The following SOCS5 variants were observed in gnomAD, a reference collection of about 807,000 sequenced individuals.
The protein encoded by SOCS5 is suppressor of cytokine signaling 5.
Under a neutral mutation model 42.8 loss-of-function variants are expected in SOCS5, and 32 were observed. The ratio of observed to expected loss-of-function variants is 0.75; its 90% CI spans 0.56 to 1.01. The LOEUF is 1.01. Among genes scored for constraint, SOCS5 ranks in the 50% least tolerant of loss-of-function variants. SOCS5 has a pLI of 0.00. For missense variants in SOCS5, 627 were observed against 653.0 expected (o/e 0.96, Z 0.43); for synonymous variants, 283 against 229.6 (o/e 1.23, Z -2.10).
chr2:46,700,273 GC>G (rs1413254572), intron 1 of SOCS5, among the ~76,000 whole-genome samples: 2 of 152,218 alleles, frequency 1.3e-5, no homozygotes, highest in East Asian at 3.8e-4. Flanking sequence ...ACTAAAGGGT[GC>G]CTGGCTGCTG....
intron 1 of SOCS5, among the ~76,000 whole-genome samples, chr2:46,750,688 T>G (rs1266509410): frequency 6.6e-6 from 1 of 152,072 alleles, no homozygotes; most frequent in Non-Finnish European, 1.5e-5. Flanking sequence ...TACACAAGGG[T>G]CATGGGTTTA....
chr2:46,738,010 T>C (rs1277266024), intron 1 of SOCS5, among the ~76,000 whole-genome samples: 1 of 152,180 alleles, frequency 6.6e-6, no homozygotes, highest in Non-Finnish European at 1.5e-5. Flanking sequence ...TGAGAACAAA[T>C]TGTGGTGTTA....
intron 1 of SOCS5, among the ~76,000 whole-genome samples, chr2:46,724,259 G>T (rs1672946223): frequency 1.3e-5 from 2 of 150,280 alleles, no homozygotes. Flanking sequence ...TCCTTTCACT[G>T]GCTAGGATGT....
chr2:46,705,217 G>A (rs1481013143), intron 1 of SOCS5, among the ~76,000 whole-genome samples: 1 of 152,242 alleles, frequency 6.6e-6, no homozygotes, highest in Admixed American at 6.5e-5. Flanking sequence ...GGAGAGGGCT[G>A]TAGGAGCCCC....
intron 1 of SOCS5, among the ~76,000 whole-genome samples, chr2:46,724,534 G>A (rs1462119351): frequency 6.6e-6 from 1 of 151,784 alleles, no homozygotes; most frequent in Non-Finnish European, 1.5e-5. Context: ...ATTTTCCTCT[G>A]AGCATTGCTT....
intron 1 of SOCS5, among the ~76,000 whole-genome samples, chr2:46,700,857 A>C (rs1241063273): frequency 6.6e-6 from 1 of 152,126 alleles, no homozygotes; most frequent in Non-Finnish European, 1.5e-5. Flanking sequence ...TCTTAATTTT[A>C]TATATGTTAG....
Position 46,758,998 on chromosome 2 carries a change from C to G in SOCS5, c.468C>G (p.Tyr156Ter). 1 of 1,613,938 alleles carries G rather than the reference C, an allele frequency of 6.2e-7. No individual in the cohort carries two copies. Among genetic ancestry groups the G allele is most frequent in the Non-Finnish European group, 8.5e-7 (1 of 1,179,848 alleles). ...RSGLQRRERR[Y>*]GVSSVHDMDS... The stretch of plus-strand genomic sequence containing the variant: ...GACTTCAAAGGAGAGAGAGGCGCTA[C>G]GGCGTAAGTTCTGTACACGACATGG... The change falls in exon 2 of 2, where the codon TAC becomes TAG. Residue 156 changes from tyrosine (Y) to a stop codon, truncating the protein, a stop_gained. Transcript: ENST00000394861. LOFTEE classifies it high-confidence loss of function.
intron 1 of SOCS5, among the ~76,000 whole-genome samples, chr2:46,706,807 A>G (rs1672473490): frequency 6.6e-6 from 1 of 152,130 alleles, no homozygotes; most frequent in Non-Finnish European, 1.5e-5. Flanking sequence ...CAGCCGGTGA[A>G]GAGGGGTTGT....
intron 1 of SOCS5, among the ~76,000 whole-genome samples, chr2:46,735,247 C>G (rs1046132369): frequency 6.6e-6 from 1 of 152,186 alleles, no homozygotes; most frequent in Non-Finnish European, 1.5e-5. Context: ...TTTGGAAGCT[C>G]TCAGATTTGA....
rs1406035908 is a variant in SOCS5, at chr2:46,762,235, A to G, written c.*2094A>G. Reference sequence around the variant, plus strand: ...TGTGCAATTAAGTTGTTATGACATAATTATATTGCCTAATTGTTGGGTCTT... The same window carrying G: ...TGTGCAATTAAGTTGTTATGACATAGTTATATTGCCTAATTGTTGGGTCTT... On this transcript the variant is annotated 3_prime_UTR_variant, in exon 2 of 2. Coordinates refer to ENST00000394861, the MANE Select transcript of SOCS5 (RefSeq NM_144949.3). The G allele has an allele frequency of 6.0e-6, 1 of 166,936 alleles. No individual in the cohort carries two copies. The highest frequency in any genetic ancestry group is 2.4e-5 in the African/African-American group (1 of 41,470). 10.3% of individuals were successfully genotyped at this position (166,936 alleles called of 1,614,324 possible).
intron 1 of SOCS5, among the ~76,000 whole-genome samples, chr2:46,702,082 G>A (rs962616959): frequency 8.6e-5 from 13 of 151,890 alleles, no homozygotes; most frequent in African/African-American, 2.9e-4. Context: ...GAGTTTACTC[G>A]TTTGTAAAGG....
chr2:46,715,656 A>C (rs184239067), intron 1 of SOCS5, among the ~76,000 whole-genome samples: 2 of 152,292 alleles, frequency 1.3e-5, no homozygotes, highest in Admixed American at 1.3e-4. Context: ...AGTTTCTGAC[A>C]AGAAGTTTGT....
chr2:46,760,136 A>C lies in SOCS5; in HGVS notation c.1606A>C (p.Lys536Gln). The change falls in exon 2 of 2, where the codon AAG becomes CAG. Residue 536 changes from lysine to glutamine, a missense_variant. Lys to Gln is a moderately conservative substitution (Grantham distance 53). Coordinates refer to ENST00000394861, the MANE Select transcript of SOCS5 (RefSeq NM_144949.3). ...RWLEREPVKA[K>Q] ...GTTGGAACGAGAACCAGTCAAGGCA[A>C]AGTAAACTCTCCGGTCCCCAAAGGT... 1 of 1,611,138 alleles carries C rather than the reference A, an allele frequency of 6.2e-7. No individual in the cohort carries two copies. The highest frequency in any genetic ancestry group is 8.5e-7 in the Non-Finnish European group (1 of 1,178,332).
chr2:46,723,524 ATTG>A (rs1313118063), intron 1 of SOCS5, among the ~76,000 whole-genome samples: 2 of 152,028 alleles, frequency 1.3e-5, no homozygotes, highest in Non-Finnish European at 2.9e-5. Flanking sequence ...TACAACACCT[ATTG>A]TTTAGGGAAA....
At chr2:46,710,879 C>A (rs74463299) in intron 1 of SOCS5, among the ~76,000 whole-genome samples, 2,868 of 152,224 alleles carry the variant, frequency 0.019, 76 homozygotes, top group African/African-American at 0.061. Context: ...AGTCACTGTT[C>A]TGATTTATTT....
intron 1 of SOCS5, among the ~76,000 whole-genome samples, chr2:46,733,544 C>CA (rs1183322721): frequency 5.9e-5 from 7 of 117,872 alleles, no homozygotes; most frequent in African/African-American, 2.3e-4. Flanking sequence ...GCCTAGGTGA[C>CA]ACAGTGAAAC....
chr2:46,721,494 T>G (rs933149229), intron 1 of SOCS5, among the ~76,000 whole-genome samples: 2 of 152,216 alleles, frequency 1.3e-5, no homozygotes, highest in Non-Finnish European at 2.9e-5. Context: ...GATTTGCTAC[T>G]TAAAGCTCAT....
intron 1 of SOCS5, among the ~76,000 whole-genome samples, chr2:46,746,390 G>T (rs1027483802): frequency 6.6e-6 from 1 of 152,044 alleles, no homozygotes; most frequent in African/African-American, 2.4e-5. Context: ...GGTGGCTCAC[G>T]CCTGTAATCC....
intron 1 of SOCS5, among the ~76,000 whole-genome samples, chr2:46,718,132 G>C (rs912542811): frequency 6.6e-6 from 1 of 151,724 alleles, no homozygotes; most frequent in Admixed American, 6.6e-5. Context: ...CCCTGTATGG[G>C]GTATAAGCAG....
Sources: gnomAD v4.1 joint callset for allele counts (sites outside exome capture counted in the v4.1 genomes callset) on GRCh38, gnomAD v4.1.1 for gene constraint, MANE v1.5 for transcripts, NCBI Gene and HGNC (gene_info 2026-07-23, HGNC 2026-07-21) for gene names.